ITFG1: variants seen among roughly 807,000 people sequenced by gnomAD.
The protein encoded by ITFG1 is integrin alpha FG-GAP repeat containing 1, also known as T-cell immunomodulatory protein.
Under a neutral mutation model 81.8 loss-of-function variants are expected in ITFG1, and 34 were observed. That is an observed-to-expected ratio of 0.42 (90% CI 0.32 to 0.55). The LOEUF (loss-of-function observed/expected upper bound fraction) is 0.55. Ranked by LOEUF, ITFG1 falls within the 20% of genes least tolerant of loss-of-function variation. The pLI, the probability that ITFG1 is intolerant of heterozygous loss-of-function variation, is 0.17. For missense variants in ITFG1, 672 were observed against 755.4 expected (o/e 0.89, Z 1.29); for synonymous variants, 285 against 270.6 (o/e 1.05, Z -0.52).
chr16:47,391,027 G>C (rs1327738698), intron 6 of ITFG1, among the ~76,000 whole-genome samples: 2 of 151,974 alleles, frequency 1.3e-5, no homozygotes, highest in African/African-American at 4.8e-5. Context: ...GGAATCCCGA[G>C]CCTGTAGAGA....
chr16:47,457,574 A>G (rs1191049183), intron 2 of ITFG1, among the ~76,000 whole-genome samples: 2 of 152,166 alleles, frequency 1.3e-5, no homozygotes, highest in African/African-American at 4.8e-5. Flanking sequence ...ACAGGTTTTA[A>G]AAGTGGTTGC....
chr16:47,260,749 C>A, intron 10 of ITFG1, 54 bp from the exon 11 acceptor site: 1 of 1,566,828 alleles, frequency 6.4e-7, no homozygotes, highest in Non-Finnish European at 8.8e-7. Flanking sequence ...ACTGTGGCAT[C>A]GGCTCTGTAG....
intron 8 of ITFG1, among the ~76,000 whole-genome samples, chr16:47,360,783 A>C (rs936750762): frequency 9.2e-5 from 14 of 152,206 alleles, no homozygotes; most frequent in African/African-American, 3.4e-4. Flanking sequence ...CAATACACCT[A>C]GCCATAAAAC....
intron 11 of ITFG1, among the ~76,000 whole-genome samples, chr16:47,259,575 T>C (rs1013445990): frequency 1.3e-5 from 2 of 152,118 alleles, no homozygotes; most frequent in African/African-American, 4.8e-5. Context: ...TGAGAATAAG[T>C]CTCTTATAAA....
At chr16:47,334,515 C>T (rs1967677885) in intron 8 of ITFG1, among the ~76,000 whole-genome samples, 1 of 152,152 alleles carries the variant, frequency 6.6e-6, no homozygotes, top group African/African-American at 2.4e-5. Context: ...ATTCCTAGAG[C>T]AAGTGATTTC....
intron 8 of ITFG1, among the ~76,000 whole-genome samples, chr16:47,347,796 G>T (rs1318157176): frequency 1.3e-5 from 2 of 152,236 alleles, no homozygotes; most frequent in African/African-American, 4.8e-5. Context: ...GCACCCCCAA[G>T]TAGGGGCAGA....
Position 47,460,568 on chromosome 16 carries a change from G to A in ITFG1, c.208+270C>T, listed in dbSNP as rs538346426. On this transcript the variant is annotated intron_variant, in intron 1 of 17. Coordinates refer to ENST00000320640, the MANE Select transcript of ITFG1 (RefSeq NM_030790.5). The stretch of plus-strand genomic sequence containing the variant: ...ATGGGGAGGAGGGGGTAAGGTGACT[G>A]GGTGAGGGCCGCAGACTTCTTAGGA... Among the ~76,000 whole-genome samples the A allele has an allele frequency of 7.2e-5, 11 of 152,278 alleles. No homozygotes were observed. The South Asian group carries it at 2.1e-3, about 29-fold the overall frequency.
chr16:47,222,376 T>A (rs987716441), intron 13 of ITFG1, among the ~76,000 whole-genome samples: 1 of 151,934 alleles, frequency 6.6e-6, no homozygotes, highest in Non-Finnish European at 1.5e-5. Flanking sequence ...GGTTGTTCAG[T>A]TTCCATGCAG....
chr16:47,459,153 CA>C lies in ITFG1; in HGVS notation c.230del (p.Leu77TrpfsTer13). On this transcript the variant is annotated frameshift_variant, in exon 2 of 18. Coordinates refer to ENST00000320640, the MANE Select transcript of ITFG1 (RefSeq NM_030790.5). LOFTEE classifies it high-confidence loss of function. ...LRERNDLIVF[L>X]ADQNAPYFKP... ...TAAAATAGGGTGCATTCTGGTCTGCCAAAAAGACGATTAAGTCATTTCCTAA... is the reference window on the plus strand; with the variant it reads ...TAAAATAGGGTGCATTCTGGTCTGCCAAAAGACGATTAAGTCATTTCCTAA... The C allele has an allele frequency of 2.5e-6, 4 of 1,599,354 alleles. No individual in the cohort carries two copies. Among genetic ancestry groups the C allele is most frequent in the Non-Finnish European group, 3.4e-6 (4 of 1,167,074 alleles).
chr16:47,444,616 A>T (rs956134545), intron 5 of ITFG1, among the ~76,000 whole-genome samples: 4 of 152,242 alleles, frequency 2.6e-5, no homozygotes, highest in Admixed American at 2.6e-4. Flanking sequence ...AAAATTTCAT[A>T]AGATAAAATA....
chr16:47,430,317 C>T lies in ITFG1; in HGVS notation c.561-1419G>A, dbSNP rs1435549687. Among the ~76,000 whole-genome samples the T allele has an allele frequency of 3.3e-5, 5 of 151,958 alleles. No individual in the cohort carries two copies. In the South Asian group the frequency reaches 6.2e-4, roughly 19 times the overall value. Reference sequence around the variant, plus strand: ...TGGAGCTCAGGCAGTTCACCCGCCTCGGCCTCCCAAAGTGTTGGGATTACA... The same window carrying T: ...TGGAGCTCAGGCAGTTCACCCGCCTTGGCCTCCCAAAGTGTTGGGATTACA... On this transcript the variant is annotated intron_variant, in intron 5 of 17. Coordinates refer to ENST00000320640, the MANE Select transcript of ITFG1 (RefSeq NM_030790.5).
intron 8 of ITFG1, among the ~76,000 whole-genome samples, chr16:47,323,960 T>A (rs532067928): frequency 6.6e-6 from 1 of 152,210 alleles, no homozygotes; most frequent in Admixed American, 6.5e-5. Context: ...TATTGTTTTA[T>A]ATGAAGTATT....
chr16:47,346,142 T>C (rs1031831990), intron 8 of ITFG1, among the ~76,000 whole-genome samples: 1 of 152,196 alleles, frequency 6.6e-6, no homozygotes, highest in Non-Finnish European at 1.5e-5. Flanking sequence ...AATTCTGGTC[T>C]TACAGAATGA....
intron 10 of ITFG1, among the ~76,000 whole-genome samples, chr16:47,269,542 A>G (rs1437054591): frequency 1.3e-5 from 2 of 151,922 alleles, no homozygotes; most frequent in Admixed American, 1.3e-4. Flanking sequence ...TAGCATCAAA[A>G]ATATAAACTA....
In ITFG1 at chr16:47,419,446, C is replaced by T. The variant is rs184311380; in HGVS notation, c.655+9358G>A. The stretch of plus-strand genomic sequence containing the variant: ...ACCAAGTCCAGCTAATTTTTTAGTA[C>T]TTTTTTGTAAAGACAGAGTTTTGCC... On this transcript the variant is annotated intron_variant, in intron 6 of 17. Coordinates refer to ENST00000320640, the MANE Select transcript of ITFG1 (RefSeq NM_030790.5). Among the ~76,000 whole-genome samples the T allele has an allele frequency of 5.5e-3, 834 of 151,894 alleles. 1 individual carries two copies. Among genetic ancestry groups the T allele is most frequent in the Admixed American group, 9.8e-3 (150 of 15,254 alleles).
At chr16:47,282,113 T>C (rs1253567324) in intron 10 of ITFG1, among the ~76,000 whole-genome samples, 1 of 151,634 alleles carries the variant, frequency 6.6e-6, no homozygotes, top group Non-Finnish European at 1.5e-5. Context: ...ATATATCCTA[T>C]TGTACCCACG....
rs1428259917 is a variant in ITFG1 at position 47,403,127 on chromosome 16, G to T, written c.655+25677C>A. Among the ~76,000 whole-genome samples the T allele has an allele frequency of 2.6e-5, 4 of 151,810 alleles. No homozygotes were observed. The East Asian group carries it at 7.7e-4, about 29-fold the overall frequency. ...AAATTTTTTTAAAAAGATCATATTT[G>T]CAGTATTTATAGAATTTGCCCCCTC... On this transcript the variant is annotated intron_variant, in intron 6 of 17. Transcript: ENST00000320640.
Position 47,170,894 on chromosome 16 carries a change from C to G in ITFG1, c.1454-8230G>C, listed in dbSNP as rs548122979. Among the ~76,000 whole-genome samples, 7 of 151,748 alleles carry G rather than the reference C, an allele frequency of 4.6e-5. No individual in the cohort carries two copies. The East Asian group carries it at 1.4e-3, about 29-fold the overall frequency. ...GGATTATAGGCATACACCACCACAC[C>G]CAGCTAATTTTTGTATTTTTAGTAG... On this transcript the variant is annotated intron_variant, in intron 14 of 17. Coordinates refer to ENST00000320640, the MANE Select transcript of ITFG1 (RefSeq NM_030790.5).
intron 7 of ITFG1, among the ~76,000 whole-genome samples, chr16:47,369,161 G>A (rs765804171): frequency 4.6e-5 from 7 of 151,994 alleles, no homozygotes; most frequent in Admixed American, 6.6e-5. Flanking sequence ...GCATAACTAC[G>A]CTCATTTTCA....
Sources: gnomAD v4.1 joint callset for allele counts (sites outside exome capture counted in the v4.1 genomes callset) on GRCh38, gnomAD v4.1.1 for gene constraint, MANE v1.5 for transcripts, NCBI Gene and HGNC (gene_info 2026-07-23, HGNC 2026-07-21) for gene names.